ABLIM1: variants seen among roughly 807,000 people sequenced by gnomAD.
ABLIM1 encodes actin-binding LIM protein 1.
Under a neutral mutation model 107.0 loss-of-function variants are expected in ABLIM1, and 40 were observed. That is an observed-to-expected ratio of 0.37 (90% CI 0.29 to 0.49). ABLIM1 has a LOEUF of 0.49. Ranked by LOEUF, ABLIM1 falls within the 20% of genes least tolerant of loss-of-function variation. ABLIM1 has a pLI of 0.97. For synonymous variants in ABLIM1, 357 were observed against 357.3 expected (o/e 1.00, Z 0.01); for missense variants, 857 against 1,008.5 (o/e 0.85, Z 2.04).
intron 1 of ABLIM1, among the ~76,000 whole-genome samples, chr10:114,702,882 T>C (rs1211765295): frequency 6.6e-6 from 1 of 152,128 alleles, no homozygotes; most frequent in Non-Finnish European, 1.5e-5. Context: ...TAATATACTT[T>C]CCCTCGCTAG....
At chr10:114,528,217 G>C (rs1294185240) in intron 6 of ABLIM1, among the ~76,000 whole-genome samples, 1 of 152,010 alleles carries the variant, frequency 6.6e-6, no homozygotes, top group Non-Finnish European at 1.5e-5. Context: ...TGATCCTCCT[G>C]CCTCAGCCTC....
chr10:114,798,403 G>A, the ABLIM1 span, among the ~76,000 whole-genome samples: 3,987 of 151,098 alleles, frequency 0.026, 94 homozygotes, highest in African/African-American at 0.068. Context: ...CAGACTGGGC[G>A]ACAAAGCAAG....
intron 1 of ABLIM1, among the ~76,000 whole-genome samples, chr10:114,606,222 G>A (rs2140108799): frequency 6.6e-6 from 1 of 152,098 alleles, no homozygotes; most frequent in Non-Finnish European, 1.5e-5. Flanking sequence ...GCCTGTGACA[G>A]AGTCCAATTT....
At chr10:114,641,329 C>T (rs2078744366) in intron 1 of ABLIM1, among the ~76,000 whole-genome samples, 1 of 147,752 alleles carries the variant, frequency 6.8e-6, no homozygotes. Context: ...TTATCTTCAA[C>T]CTATTCATTC....
intron 15 of ABLIM1, 133 bp downstream of exon 15, chr10:114,447,747 C>T: frequency 7.8e-7 from 1 of 1,275,830 alleles, no homozygotes; most frequent in South Asian, 1.5e-5. Context: ...GTTCTTTTCA[C>T]TATGCTACCT....
At chr10:114,635,802 G>A (rs781265698) in intron 1 of ABLIM1, among the ~76,000 whole-genome samples, 1 of 152,196 alleles carries the variant, frequency 6.6e-6, no homozygotes, top group African/African-American at 2.4e-5. Context: ...GATTACAGGC[G>A]TGAGCCACTG....
chr10:114,752,970 C>T (rs903191312), intron 1 of ABLIM1, among the ~76,000 whole-genome samples: 2 of 152,136 alleles, frequency 1.3e-5, no homozygotes, highest in African/African-American at 4.8e-5. Context: ...AATAATCCAG[C>T]CTTTGGGAAA....
chr10:114,791,562 T>C, the ABLIM1 span, among the ~76,000 whole-genome samples: 2 of 151,118 alleles, frequency 1.3e-5, no homozygotes, highest in Non-Finnish European at 3.0e-5. Context: ...GGCGTGAACC[T>C]GGGAGGGGGA....
upstream of ABLIM1, among the ~76,000 whole-genome samples, chr10:114,689,764 G>A (rs1444921888): frequency 1.3e-5 from 2 of 150,884 alleles, no homozygotes; most frequent in Non-Finnish European, 1.5e-5. Context: ...GATTCGAGAT[G>A]AAATTTCTAG....
intron 6 of ABLIM1, among the ~76,000 whole-genome samples, chr10:114,529,193 T>C (rs2065192734): frequency 6.6e-6 from 1 of 151,376 alleles, no homozygotes. Flanking sequence ...GGTGCGATAC[T>C]GGCTCACTGC....
the ABLIM1 span, among the ~76,000 whole-genome samples, chr10:114,789,446 A>C: frequency 1.1e-4 from 16 of 152,086 alleles, no homozygotes; most frequent in African/African-American, 3.6e-4. Flanking sequence ...CTTCCCATTG[A>C]CATCAAAATC....
rs570879536 is a variant in ABLIM1, at chr10:114,649,541, G to T, written c.244+8416C>A. ...CATATCATAGTCTATCTAAAATCCT[G>T]ACATACTTAAATCCTGATTCTGCAA... is the stretch of plus-strand genomic sequence containing the variant. On this transcript the variant is annotated intron_variant, in intron 1 of 22. Transcript: ENST00000533213. Among the ~76,000 whole-genome samples the T allele has an allele frequency of 3.9e-5, 6 of 152,078 alleles. No individual in the cohort carries two copies. The South Asian group carries it at 1.2e-3, about 32-fold the overall frequency.
At chr10:114,549,307 C>T (rs1166171506) in intron 4 of ABLIM1, among the ~76,000 whole-genome samples, 1 of 152,174 alleles carries the variant, frequency 6.6e-6, no homozygotes, top group Non-Finnish European at 1.5e-5. Context: ...TTGCTTGAAC[C>T]TGGGAGGCAG....
At chr10:114,677,324 T>C (rs11196864) in intron 1 of ABLIM1, among the ~76,000 whole-genome samples, 94,896 of 152,028 alleles carry the variant, frequency 0.62, 29,576 homozygotes, top group African/African-American at 0.67. Flanking sequence ...ATGACATTGC[T>C]GTCAGGACAA....
chr10:114,767,089 T>C (rs1191064276), intron 1 of ABLIM1, among the ~76,000 whole-genome samples: 2 of 151,138 alleles, frequency 1.3e-5, no homozygotes, highest in East Asian at 3.9e-4. Flanking sequence ...CTATTCATTA[T>C]ATGCCCCAGG....
Position 114,632,887 on chromosome 10 carries a change from A to G in ABLIM1, c.244+25070T>C, listed in dbSNP as rs142705604. On this transcript the variant is annotated intron_variant, in intron 1 of 22. Transcript: ENST00000533213. ...GCCTAAGCCTGACCCCACAGCAGCA[A>G]CTCCTCAGGAGGCTTTTGATTTCTG... The G allele has an allele frequency of 4.3e-4, 273 of 632,260 alleles. 1 individual carries two copies. In the African/African-American group the frequency reaches 4.9e-3, roughly 11 times the overall value. The allele number at this position is 632,260 out of a possible 1,614,324, so 39.2% of individuals were successfully genotyped here. A position where few individuals can be genotyped will look rare whatever the true frequency, so the allele number is the denominator to read the frequency against.
intron 6 of ABLIM1, among the ~76,000 whole-genome samples, chr10:114,535,825 C>T (rs949395305): frequency 6.6e-6 from 1 of 152,058 alleles, no homozygotes; most frequent in African/African-American, 2.4e-5. Flanking sequence ...TTCTTTTAGC[C>T]AAACGTGGAT....
intron 1 of ABLIM1, among the ~76,000 whole-genome samples, chr10:114,635,824 C>G (rs1417773234): frequency 1.3e-5 from 2 of 152,154 alleles, no homozygotes; most frequent in Admixed American, 1.3e-4. Flanking sequence ...ACCCAGCCCC[C>G]ACTGGACTCT....
the ABLIM1 span, among the ~76,000 whole-genome samples, chr10:114,795,966 T>C: frequency 2.0e-5 from 3 of 152,176 alleles, no homozygotes; most frequent in African/African-American, 7.2e-5. Context: ...CTATTCAGTA[T>C]TTTCAGGTAG....
Sources: allele counts gnomAD v4.1 joint callset (sites outside exome capture counted in the v4.1 genomes callset), GRCh38; gene constraint gnomAD v4.1.1; transcripts MANE v1.5; gene names NCBI Gene and HGNC (gene_info 2026-07-23, HGNC 2026-07-21).